Variants in PDCD1LG2 observed in about 807,000 individuals in gnomAD.
The protein encoded by PDCD1LG2 is B7 dendritic cell molecule.
In PDCD1LG2, 32 loss-of-function variants were observed where a neutral mutation model predicts 28.2. The observed-to-expected ratio is 1.13, with a 90% CI of 0.86 to 1.52. The LOEUF (loss-of-function observed/expected upper bound fraction) is 1.52. Among genes scored for constraint, PDCD1LG2 ranks in the 40% most tolerant of loss-of-function variants. PDCD1LG2 has a pLI of 0.00. For missense variants in PDCD1LG2, 385 were observed against 323.8 expected (o/e 1.19, Z -1.45); for synonymous variants, 116 against 120.2 (o/e 0.97, Z 0.23).
chr9:5,563,244 A>T (rs1816601597), intron 6 of PDCD1LG2, 33 bp downstream of exon 6: 2 of 1,569,870 alleles, frequency 1.3e-6, no homozygotes, highest in South Asian at 1.1e-5. Context: ...TTTCTTTCTT[A>T]CTTTCTTTTC....
intron 5 of PDCD1LG2, among the ~76,000 whole-genome samples, chr9:5,560,436 G>A (rs1816535952): frequency 6.6e-6 from 1 of 152,174 alleles, no homozygotes; most frequent in Admixed American, 6.5e-5. Flanking sequence ...TCCATCCACT[G>A]TGCAAAGGTA....
chr9:5,568,432 T>C (rs1313436229), intron 6 of PDCD1LG2, among the ~76,000 whole-genome samples: 3 of 152,152 alleles, frequency 2.0e-5, no homozygotes, highest in Non-Finnish European at 4.4e-5. Context: ...TGTGTGCTCC[T>C]TATGAAAATC....
rs375761872 is a variant in PDCD1LG2, at chr9:5,522,535, C to A, written c.-12C>A. 49 of 1,612,532 alleles carry A rather than the reference C, an allele frequency of 3.0e-5. No homozygotes were observed. The highest frequency in any genetic ancestry group is 9.4e-5 in the African/African-American group (7 of 74,832). On this transcript the variant is annotated splice_region_variant and 5_prime_UTR_variant, in exon 2 of 7. Transcript: ENST00000397747. Reference sequence around the variant, plus strand: ...AGACTTTCAATTGTCTATTTCAGATCAAATACAGAACATGATCTTCCTCCT... The same window carrying A: ...AGACTTTCAATTGTCTATTTCAGATAAAATACAGAACATGATCTTCCTCCT...
intron 3 of PDCD1LG2, among the ~76,000 whole-genome samples, chr9:5,538,573 A>G (rs916521126): frequency 2.0e-5 from 3 of 152,146 alleles, no homozygotes; most frequent in African/African-American, 4.8e-5. Context: ...CTGTAGTCCC[A>G]GCTACTGGGG....
chr9:5,566,885 AAAT>A (rs1816676980), intron 6 of PDCD1LG2, among the ~76,000 whole-genome samples: 1 of 152,198 alleles, frequency 6.6e-6, no homozygotes, highest in South Asian at 2.1e-4. Flanking sequence ...GTCCTATTAA[AAAT>A]GTTATTTATA....
intron 6 of PDCD1LG2, among the ~76,000 whole-genome samples, chr9:5,564,894 G>T (rs1483173953): frequency 6.6e-6 from 1 of 152,126 alleles, no homozygotes; most frequent in East Asian, 1.9e-4. Context: ...CTTTTGGCAT[G>T]GTCTACTTTA....
chr9:5,552,887 C>T (rs1459715975), intron 4 of PDCD1LG2, among the ~76,000 whole-genome samples: 1 of 152,170 alleles, frequency 6.6e-6, no homozygotes, highest in Non-Finnish European at 1.5e-5. Context: ...CAACTTCCTT[C>T]TAACTAAATT....
At chr9:5,523,249 G>A (rs1820311212) in intron 2 of PDCD1LG2, among the ~76,000 whole-genome samples, 1 of 152,204 alleles carries the variant, frequency 6.6e-6, no homozygotes. Flanking sequence ...CCTGGGGAAG[G>A]TAGTTCAGAC....
chr9:5,532,330 G>A (rs1171126627), intron 2 of PDCD1LG2, among the ~76,000 whole-genome samples: 5 of 152,196 alleles, frequency 3.3e-5, no homozygotes, highest in Non-Finnish European at 7.3e-5. Context: ...ATAGAGGCAA[G>A]CCAAAAATGT....
rs549506525 is a variant in PDCD1LG2, at chr9:5,570,080, A to G, written c.*121A>G. 1 of 1,250,268 alleles carries G rather than the reference A, an allele frequency of 8.0e-7. No homozygotes were observed. Among genetic ancestry groups the G allele is most frequent in the African/African-American group, 1.5e-5 (1 of 66,494 alleles). 77.4% of individuals were successfully genotyped at this position (1,250,268 alleles called of 1,614,324 possible). On this transcript the variant is annotated 3_prime_UTR_variant, in exon 7 of 7. Coordinates refer to ENST00000397747, the MANE Select transcript of PDCD1LG2 (RefSeq NM_025239.4). ...TGCACTTTTCAAATGCCTTTGGATG[A>G]CCCAGCACTTTAATCTGAAACCTGC...
At chr9:5,522,680 G>C (rs2129727706) in intron 2 of PDCD1LG2, 79 bp downstream of exon 2, 2 of 1,326,806 alleles carry the variant, frequency 1.5e-6, no homozygotes, top group Non-Finnish European at 2.1e-6. Context: ...TGAGAATGTG[G>C]CCCTCAGGCT....
rs1165268333 is a variant in PDCD1LG2, at chr9:5,547,936, CAAAAAAAAAA to C, written c.362-1387_362-1378del. On this transcript the variant is annotated intron_variant, in intron 3 of 6. Transcript: ENST00000397747. ...CTGGGTGACGAGCGAAACTCTGTCT[CAAAAAAAAAA>C]AAAAAAAAAAAGAATAAATCAAACT... is the stretch of plus-strand genomic sequence containing the variant. 8.2e-5 allele frequency among the ~76,000 whole-genome samples: 5 copies of C among 60,912 alleles called. No homozygotes were observed. In the South Asian group the frequency reaches 1.8e-3, roughly 22 times the overall value. The allele number at this position is 60,912 out of a possible 152,430, so 40.0% of individuals were successfully genotyped here.
intron 4 of PDCD1LG2, among the ~76,000 whole-genome samples, chr9:5,557,163 G>GAGACTTT (rs1483473765): frequency 3.3e-5 from 5 of 152,164 alleles, no homozygotes; most frequent in Admixed American, 3.3e-4. Flanking sequence ...TTTGGGCTGA[G>GAGACTTT]AGACTTTGCC....
intron 1 of PDCD1LG2, among the ~76,000 whole-genome samples, chr9:5,515,855 G>A (rs1053495182): frequency 9.2e-5 from 13 of 141,352 alleles, no homozygotes; most frequent in South Asian, 2.3e-4. Context: ...CCCGGGAGGC[G>A]GAGGATGCAG....
intron 1 of PDCD1LG2, among the ~76,000 whole-genome samples, chr9:5,520,802 T>A (rs1820258440): frequency 2.0e-5 from 3 of 152,228 alleles, no homozygotes; most frequent in Admixed American, 2.0e-4. Flanking sequence ...GATAAATAGT[T>A]TGGCAATTCC....
In PDCD1LG2 at chr9:5,513,546, G is replaced by A. The variant is rs76095401; in HGVS notation, c.-15+2743G>A. ...ATTCTCCAATGATAAATTATTCTATGAATTCTCACAACTTTCTAATATAAA... is the reference window on the plus strand; with the variant it reads ...ATTCTCCAATGATAAATTATTCTATAAATTCTCACAACTTTCTAATATAAA... On this transcript the variant is annotated intron_variant, in intron 1 of 6. Coordinates refer to ENST00000397747, the MANE Select transcript of PDCD1LG2 (RefSeq NM_025239.4). 3.6e-3 allele frequency among the ~76,000 whole-genome samples: 546 copies of A among 152,280 alleles called. 2 individuals carry two copies. Among genetic ancestry groups the A allele is most frequent in the African/African-American group, 0.012 (509 of 41,560 alleles).
intron 2 of PDCD1LG2, among the ~76,000 whole-genome samples, chr9:5,525,758 T>C (rs979176650): frequency 2.6e-5 from 4 of 151,972 alleles, no homozygotes; most frequent in South Asian, 4.1e-4. Context: ...GCTTAAAAAG[T>C]AAAGAAGAGG....
At chr9:5,532,900 C>G (rs1157474503) in intron 2 of PDCD1LG2, among the ~76,000 whole-genome samples, 1 of 152,180 alleles carries the variant, frequency 6.6e-6, no homozygotes, top group African/African-American at 2.4e-5. Flanking sequence ...CACCACAATA[C>G]TGAGAGGTAG....
intron 4 of PDCD1LG2, among the ~76,000 whole-genome samples, chr9:5,555,533 C>A (rs950329989): frequency 6.6e-6 from 1 of 152,158 alleles, no homozygotes; most frequent in Admixed American, 6.5e-5. Context: ...AATGAAGAGA[C>A]CTCGAAATAC....
Sources: allele counts gnomAD v4.1 joint callset (sites outside exome capture counted in the v4.1 genomes callset), GRCh38; gene constraint gnomAD v4.1.1; transcripts MANE v1.5; gene names NCBI Gene and HGNC (gene_info 2026-07-23, HGNC 2026-07-21).